Variants in GALNT15 observed in about 807,000 individuals in gnomAD.
The protein encoded by GALNT15 is UDP-GalNAc transferase T15.
A neutral mutation model predicts 66.8 loss-of-function variants in GALNT15; 67 were observed. The ratio of observed to expected loss-of-function variants is 1.00; its 90% confidence interval spans 0.82 to 1.23. The LOEUF is 1.23. GALNT15 is among the 50% of genes most tolerant of loss of function. The pLI, the probability that GALNT15 is intolerant of heterozygous loss-of-function variation, is 0.00. For missense variants in GALNT15, 827 were observed against 804.3 expected, an observed-to-expected ratio of 1.03 and a Z score of -0.34; for synonymous variants, 313 against 311.5, an observed-to-expected ratio of 1.00 and a Z score of -0.05.
rs1431678013 is a variant in GALNT15 at position 16,180,911 on chromosome 3, G to T, written c.539+5221G>T. Among the ~76,000 whole-genome samples the T allele has an allele frequency of 6.6e-6, 1 of 152,178 alleles. No individual in the cohort carries two copies. The highest frequency in any genetic ancestry group is 1.5e-5 in the Non-Finnish European group (1 of 68,042). ...TTGAATCCTGGTACCACCTGTTACT[G>T]TGTGACCTTGTACAAGTCACTCAAC... On this transcript the variant is annotated intron_variant, in intron 1 of 9. Coordinates refer to ENST00000339732, the MANE Select transcript of GALNT15 (RefSeq NM_054110.5). This position sits in a 1 kb window ranked among gnomAD's most constrained non-coding sequence, Gnocchi z 5.0.
the GALNT15 span, among the ~76,000 whole-genome samples, chr3:16,244,176 C>A: frequency 6.6e-6 from 1 of 152,164 alleles, no homozygotes; most frequent in Non-Finnish European, 1.5e-5. Flanking sequence ...TGGCTTCTGT[C>A]CACCTCCTCA....
rs2124836889 is a variant in GALNT15, at chr3:16,180,037, T to C, written c.539+4347T>C. 6.6e-6 allele frequency among the ~76,000 whole-genome samples: 1 copy of C among 152,330 alleles called. No homozygotes were observed. The highest frequency in any genetic ancestry group is 1.9e-4 in the East Asian group (1 of 5,186). ...GGGTTCCTAGGATCAAAGAGGCTGCTGTGTGAGCCAGTGCTTTGTAATCTA... is the reference window on the plus strand; with the variant it reads ...GGGTTCCTAGGATCAAAGAGGCTGCCGTGTGAGCCAGTGCTTTGTAATCTA... On this transcript the variant is annotated intron_variant, in intron 1 of 9. Coordinates refer to ENST00000339732, the MANE Select transcript of GALNT15 (RefSeq NM_054110.5). This position sits in a 1 kb window ranked among gnomAD's most constrained non-coding sequence, Gnocchi z 5.0.
downstream of GALNT15, among the ~76,000 whole-genome samples, chr3:16,233,397 G>A (rs891196808): frequency 2.6e-5 from 4 of 152,020 alleles, no homozygotes; most frequent in Admixed American, 2.6e-4. Context: ...GCCCAGCCAG[G>A]ATAATGTATC....
chr3:16,210,084 G>C (rs1038962373), intron 4 of GALNT15, among the ~76,000 whole-genome samples: 3 of 152,182 alleles, frequency 2.0e-5, no homozygotes, highest in African/African-American at 7.2e-5. Context: ...TGTCAGAAAA[G>C]GAATGCTGAA....
chr3:16,243,591 G>A, the GALNT15 span, among the ~76,000 whole-genome samples: 6,161 of 152,256 alleles, frequency 0.04, 409 homozygotes, highest in African/African-American at 0.14. Flanking sequence ...ACCCACATGA[G>A]GAACCATGGG....
rs867803462 is a variant in GALNT15 at position 16,175,033 on chromosome 3, T to C, written c.-119T>C. On this transcript the variant is annotated 5_prime_UTR_variant, in exon 1 of 10. Coordinates refer to ENST00000339732, the MANE Select transcript of GALNT15 (RefSeq NM_054110.5). The surrounding 1 kb of genome is among the most constrained non-coding windows in gnomAD (Gnocchi z 5.6). ...AAATGTCAGGACCAGGTTAAGTGAC[T>C]GGCAGAAAAACTTCCAGGTGGAACA... 15 of 879,838 alleles carry C rather than the reference T, an allele frequency of 1.7e-5. No homozygotes were observed. The highest frequency in any genetic ancestry group is 4.6e-4 in the Middle Eastern group (2 of 4,334). 54.5% of individuals were successfully genotyped at this position (879,838 alleles called of 1,614,324 possible).
rs1370798877 is a variant in GALNT15 at position 16,175,621 on chromosome 3, G to C, written c.470G>C (p.Arg157Pro). Reference protein sequence around the residue: ...EELTPFSLDPRGLQEALSARI... With the variant: ...EELTPFSLDPPGLQEALSARI... ...TTGACCCCGTTCAGCCTGGACCCAC[G>C]TGGCCTCCAGGAGGCACTCAGTGCC... Residue 157 changes from arginine to proline, a missense_variant, in exon 1 of 10, where the codon CGT (arginine) becomes CCT (proline). Arg to Pro is a moderately radical substitution (Grantham distance 103). Transcript: ENST00000339732. The surrounding 1 kb of genome is among the most constrained non-coding windows in gnomAD (Gnocchi z 5.6). 1 of 1,613,212 alleles carries C rather than the reference G, an allele frequency of 6.2e-7. No homozygotes were observed. The highest frequency in any genetic ancestry group is 8.5e-7 in the Non-Finnish European group (1 of 1,179,948).
intron 6 of GALNT15, among the ~76,000 whole-genome samples, chr3:16,215,734 A>T (rs2063864406): frequency 6.6e-6 from 1 of 151,818 alleles, no homozygotes; most frequent in Admixed American, 6.6e-5. Flanking sequence ...ACATGGTGAA[A>T]CCCCGTCTCC....
chr3:16,178,537 G>A (rs1183727135), intron 1 of GALNT15, among the ~76,000 whole-genome samples: 1 of 152,188 alleles, frequency 6.6e-6, no homozygotes, highest in African/African-American at 2.4e-5. Flanking sequence ...CGGCTGGTGC[G>A]TGCGGCCTGC....
At position 16,211,074 on chromosome 3, in the gene GALNT15, C is replaced by CT; in HGVS notation, c.1080-49dup. ...AAGCCCCAGCCCCCAGCCTCGCCTG[C>CT]TGTGCTCTGGGTTCTGAACTGCAGT... On this transcript the variant is annotated intron_variant, in intron 4 of 9. Coordinates refer to ENST00000339732, the MANE Select transcript of GALNT15 (RefSeq NM_054110.5). The surrounding 1 kb of genome is among the most constrained non-coding windows in gnomAD (Gnocchi z 4.3). 1 of 1,387,752 alleles carries CT rather than the reference C, an allele frequency of 7.2e-7. No individual in the cohort carries two copies. Among genetic ancestry groups the CT allele is most frequent in the Non-Finnish European group, 1.0e-6 (1 of 975,956 alleles). 86.0% of individuals were successfully genotyped at this position (1,387,752 alleles called of 1,614,324 possible).
At chr3:16,222,824 G>T (rs1295560304) in intron 9 of GALNT15, 66 bp downstream of exon 9, 3 of 1,573,712 alleles carry the variant, frequency 1.9e-6, no homozygotes, top group Non-Finnish European at 2.6e-6. Context: ...GGTTGGCATT[G>T]GATCCTGGGC....
chr3:16,191,439 CA>C lies in GALNT15; in HGVS notation c.540-4316del. On this transcript the variant is annotated intron_variant, in intron 1 of 9. Coordinates refer to ENST00000339732, the MANE Select transcript of GALNT15 (RefSeq NM_054110.5). This position sits in a 1 kb window ranked among gnomAD's most constrained non-coding sequence, Gnocchi z 5.2. ...ATTTCATCTCCACAACAGCAAATCC[CA>C]AAAAGTGGGCCCTACGGCTACCTTT... is the stretch of plus-strand genomic sequence containing the variant. 1 of 690,032 alleles carries C rather than the reference CA, an allele frequency of 1.4e-6. No individual in the cohort carries two copies. Among genetic ancestry groups the C allele is most frequent in the Non-Finnish European group, 1.8e-6 (1 of 560,162 alleles). The allele number at this position is 690,032 out of a possible 1,614,324, so 42.7% of individuals were successfully genotyped here.
rs1038474986 is a variant in GALNT15 at position 16,175,446 on chromosome 3, G to A, written c.295G>A (p.Val99Met). The A allele has an allele frequency of 2.0e-5, 33 of 1,614,056 alleles. No individual in the cohort carries two copies. Among genetic ancestry groups the A allele is most frequent in the Non-Finnish European group, 2.5e-5 (30 of 1,180,010 alleles). The change falls in exon 1 of 10, where the codon GTG becomes ATG. Residue 99 changes from valine (V) to methionine (M), a missense_variant. By Grantham distance (21) the Val-to-Met change is conservative. Transcript: ENST00000339732. This position sits in a 1 kb window ranked among gnomAD's most constrained non-coding sequence, Gnocchi z 5.6. ...SLREDQLLVAVALPQARRNQS... is the reference protein window; with the variant it reads ...SLREDQLLVAMALPQARRNQS... ...GCGGGAGGATCAGCTGCTGGTGGCC[G>A]TGGCCTTACCCCAGGCCAGAAGGAA...
chr3:16,202,426 A>T (rs190801643), intron 3 of GALNT15, among the ~76,000 whole-genome samples: 6 of 152,350 alleles, frequency 3.9e-5, no homozygotes, highest in African/African-American at 1.4e-4. Flanking sequence ...TGAGGTCAGG[A>T]GTTCGAGACC....
At position 16,208,507 on chromosome 3, in the gene GALNT15, C is replaced by A. The variant is rs763493649; in HGVS notation, c.916C>A (p.Arg306=). Residue 306 remains arginine (R), a synonymous_variant, in exon 4 of 10, where the codon CGA becomes AGA. Transcript: ENST00000339732. The stretch of plus-strand genomic sequence containing the variant: ...TAATTCCACAATTCTTTCCAGGAGC[C>A]GAGTGGTATCTCCGGTGATAGATGT... ...LLSRIAGDRS[R]VVSPVIDVID... 1.2e-6 allele frequency: 2 copies of A among 1,613,670 alleles called. No homozygotes were observed. Among genetic ancestry groups the A allele is most frequent in the Non-Finnish European group, 1.7e-6 (2 of 1,179,756 alleles).
In GALNT15 at chr3:16,175,964, G is replaced by T. The variant is rs577720402; in HGVS notation, c.539+274G>T. 1.7e-4 allele frequency among the ~76,000 whole-genome samples: 26 copies of T among 152,328 alleles called. No homozygotes were observed. Among genetic ancestry groups the T allele is most frequent in the African/African-American group, 6.3e-4 (26 of 41,580 alleles). ...ACAAGCCCTTCAGGTGAGAATCATT[G>T]TCCTAGAAAGCAGAAAGTGAGGACT... On this transcript the variant is annotated intron_variant, in intron 1 of 9. Coordinates refer to ENST00000339732, the MANE Select transcript of GALNT15 (RefSeq NM_054110.5). This position sits in a 1 kb window ranked among gnomAD's most constrained non-coding sequence, Gnocchi z 5.6.
At chr3:16,231,296 A>G (rs1025919743), downstream of GALNT15, among the ~76,000 whole-genome samples, 34 of 152,342 alleles carry the variant, frequency 2.2e-4, no homozygotes, top group African/African-American at 7.5e-4. The surrounding 1 kb of genome is among the most constrained non-coding windows in gnomAD (Gnocchi z 4.1). Context: ...CACGTTCTGC[A>G]CATGTATTCT....
At chr3:16,221,191 A>T (rs2063938488) in intron 8 of GALNT15, among the ~76,000 whole-genome samples, 1 of 151,830 alleles carries the variant, frequency 6.6e-6, no homozygotes. Flanking sequence ...ATAAAAAAAA[A>T]AATAAAGAAA....
At chr3:16,201,170 CTTTT>C (rs2063697125) in intron 3 of GALNT15, among the ~76,000 whole-genome samples, 1 of 3,372 alleles carries the variant, frequency 3.0e-4, no homozygotes, top group African/African-American at 8.5e-3. Context: ...ATTTTTTTTT[CTTTT>C]TCTTTTTCTT....
Sources: gnomAD v4.1 joint callset for allele counts (sites outside exome capture counted in the v4.1 genomes callset) on GRCh38, gnomAD v4.1.1 for gene constraint, Gnocchi (gnomAD v3.1) non-coding constraint, MANE v1.5 for transcripts, NCBI Gene and HGNC (gene_info 2026-07-23, HGNC 2026-07-21) for gene names.